Variants in SRC observed in about 807,000 individuals in gnomAD.
SRC encodes proto-oncogene tyrosine-protein kinase Src.
A neutral mutation model predicts 62.9 loss-of-function variants in SRC; 13 were observed. That is an observed-to-expected ratio of 0.21 (90% CI 0.13 to 0.33). The LOEUF is 0.33. Among genes scored for constraint, SRC ranks in the 10% least tolerant of loss-of-function variants. SRC has a pLI of 1.00. For missense variants in SRC, 457 were observed against 737.3 expected (o/e 0.62, Z 4.40); for synonymous variants, 302 against 317.5 (o/e 0.95, Z 0.52).
rs2070652156 is a variant in SRC, at chr20:37,396,429, T to TCCCCCTC, written c.703+128_703+134dup. The TCCCCCTC allele has an allele frequency of 8.6e-7, 1 of 1,163,052 alleles. No individual in the cohort carries two copies. The highest frequency in any genetic ancestry group is 1.6e-5 in the African/African-American group (1 of 64,110). The allele number at this position is 1,163,052 out of a possible 1,614,324, so 72.0% of individuals were successfully genotyped here. On this transcript the variant is annotated intron_variant, in intron 8 of 13. Transcript: ENST00000373578. The surrounding 1 kb of genome is among the most constrained non-coding windows in gnomAD (Gnocchi z 6.1). Reference sequence around the variant, plus strand: ...CTGTTATCCTGCTTCTCTCCCCACTTCCCCCTCCCCCCTCCCTTCCTCTCT... The same window carrying TCCCCCTC: ...CTGTTATCCTGCTTCTCTCCCCACTTCCCCCTCCCCCCTCCCCCCTCCCTTCCTCTCT...
chr20:37,391,832 T>C (rs1167578227), intron 5 of SRC, among the ~76,000 whole-genome samples: 1 of 152,220 alleles, frequency 6.6e-6, no homozygotes, highest in East Asian at 1.9e-4. Flanking sequence ...CCAGCCTGGG[T>C]GATAGAGCAA....
chr20:37,396,423 C>A lies in SRC; in HGVS notation c.703+112C>A. ...GGACTTCTGTTATCCTGCTTCTCTC[C>A]CCACTTCCCCCTCCCCCCTCCCTTC... On this transcript the variant is annotated intron_variant, in intron 8 of 13. Coordinates refer to ENST00000373578, the MANE Select transcript of SRC (RefSeq NM_198291.3). The surrounding 1 kb of genome is among the most constrained non-coding windows in gnomAD (Gnocchi z 6.1). The A allele has an allele frequency of 1.6e-6, 2 of 1,224,644 alleles. No homozygotes were observed. The highest frequency in any genetic ancestry group is 2.5e-5 in the East Asian group (1 of 40,760). The allele number at this position is 1,224,644 out of a possible 1,614,324, so 75.9% of individuals were successfully genotyped here. A position where few individuals can be genotyped will look rare whatever the true frequency, so the allele number is the denominator to read the frequency against.
rs188251365 is a variant in SRC at position 37,390,665 on chromosome 20, G to A, written c.351-3230G>A. ...AGAGATCCATCCACCTTGGCCTCCC[G>A]AAGTGTTGGGATCACAGGCGTGAGC... On this transcript the variant is annotated intron_variant, in intron 5 of 13. Coordinates refer to ENST00000373578, the MANE Select transcript of SRC (RefSeq NM_198291.3). Among the ~76,000 whole-genome samples the A allele has an allele frequency of 2.8e-4, 43 of 152,154 alleles. 1 individual carries two copies. The highest frequency in any genetic ancestry group is 2.5e-3 in the Admixed American group (38 of 15,272).
chr20:37,364,301 C>T (rs563876523), intron 1 of SRC, among the ~76,000 whole-genome samples: 22 of 152,298 alleles, frequency 1.4e-4, no homozygotes, highest in Admixed American at 5.9e-4. Context: ...CCTCTCTGTG[C>T]TTCAGTTTCC....
intron 2 of SRC, among the ~76,000 whole-genome samples, chr20:37,370,892 T>G (rs2070152592): frequency 6.6e-6 from 1 of 152,204 alleles, no homozygotes; most frequent in Non-Finnish European, 1.5e-5. Context: ...GGGCCTGGGC[T>G]GCTTCTGTGA....
intron 1 of SRC, among the ~76,000 whole-genome samples, chr20:37,359,402 G>A (rs890450895): frequency 3.3e-5 from 5 of 152,244 alleles, no homozygotes; most frequent in East Asian, 3.8e-4. Context: ...GTAAGAAGGC[G>A]GTAAGGGCCA....
intron 2 of SRC, among the ~76,000 whole-genome samples, chr20:37,373,071 C>A (rs932509062): frequency 6.6e-6 from 1 of 150,492 alleles, no homozygotes; most frequent in Non-Finnish European, 1.5e-5. Context: ...CACACATATA[C>A]ACACATATAT....
Position 37,386,058 on chromosome 20 carries a change from C to T in SRC, c.251-17C>T. On this transcript the variant is annotated splice_polypyrimidine_tract_variant and intron_variant, in intron 4 of 13. Transcript: ENST00000373578. ...CTGTGGCCCCACTGTTCTGACACAC[C>T]CCACCCCTCTCTGCAGGTGGAGTGA... 1 of 1,598,148 alleles carries T rather than the reference C, an allele frequency of 6.3e-7. No individual in the cohort carries two copies.
At chr20:37,354,629 C>A (rs1043953579) in intron 1 of SRC, among the ~76,000 whole-genome samples, 2 of 152,200 alleles carry the variant, frequency 1.3e-5, no homozygotes, top group African/African-American at 4.8e-5. Flanking sequence ...GCTTCTTATT[C>A]TGCCTGGGAG....
At chr20:37,373,153 CACAT>C (rs553948154) in intron 2 of SRC, among the ~76,000 whole-genome samples, 206 of 121,772 alleles carry the variant, frequency 1.7e-3, no homozygotes, top group Non-Finnish European at 2.3e-3. Flanking sequence ...TACATATACA[CACAT>C]ACACACATAT....
At chr20:37,379,882 T>G (rs1600990734) in intron 2 of SRC, among the ~76,000 whole-genome samples, 8 of 102,000 alleles carry the variant, frequency 7.8e-5, no homozygotes, top group Admixed American at 2.9e-4. Flanking sequence ...GGCAATAGAG[T>G]GAGACTCCAT....
At position 37,406,013 on chromosome 20, in the gene SRC, C is replaced by T. The variant is rs192628676; in HGVS notation, c.*2634C>T. On this transcript the variant is annotated 3_prime_UTR_variant, in exon 14 of 14. Coordinates refer to ENST00000373578, the MANE Select transcript of SRC (RefSeq NM_198291.3). ...TGTGCACCGGAGTCAACTCTGGCCA[C>T]GACATTGCTTAATTAAAAACAAATT... 527 of 152,386 alleles carry T rather than the reference C, an allele frequency of 3.5e-3. No homozygotes were observed. The highest frequency in any genetic ancestry group is 5.2e-3 in the Non-Finnish European group (352 of 68,046). 9.4% of individuals were successfully genotyped at this position (152,386 alleles called of 1,614,324 possible). A position where few individuals can be genotyped will look rare whatever the true frequency, so the allele number is the denominator to read the frequency against.
At chr20:37,363,689 C>T (rs1299163913) in intron 1 of SRC, among the ~76,000 whole-genome samples, 1 of 152,192 alleles carries the variant, frequency 6.6e-6, no homozygotes, top group Non-Finnish European at 1.5e-5. Flanking sequence ...CCCCATTCCA[C>T]CCCCGCCTGG....
At chr20:37,391,255 G>A (rs1476623123) in intron 5 of SRC, among the ~76,000 whole-genome samples, 1 of 152,204 alleles carries the variant, frequency 6.6e-6, no homozygotes, top group Non-Finnish European at 1.5e-5. Flanking sequence ...ACCCCGCCCT[G>A]CAGCCTCCTC....
At chr20:37,393,850 T>C in intron 5 of SRC, 45 bp from the exon 6 acceptor site, 2 of 1,485,230 alleles carry the variant, frequency 1.3e-6, no homozygotes, top group African/African-American at 2.8e-5. Context: ...GGCTTGTGGC[T>C]GACGGCTCCC....
At chr20:37,367,195 C>T (rs550958986) in intron 2 of SRC, among the ~76,000 whole-genome samples, 29 of 151,182 alleles carry the variant, frequency 1.9e-4, no homozygotes, top group Non-Finnish European at 3.8e-4. Context: ...ATCTCAGCCT[C>T]CCAAGCAGCT....
chr20:37,373,144 A>G (rs887996073), intron 2 of SRC, among the ~76,000 whole-genome samples: 6 of 134,040 alleles, frequency 4.5e-5, no homozygotes, highest in Non-Finnish European at 9.2e-5. Context: ...ACACATATGT[A>G]CATATACACA....
In SRC at chr20:37,398,150, G is replaced by A. The variant is rs886213744; in HGVS notation, c.859+296G>A. 6.6e-6 allele frequency among the ~76,000 whole-genome samples: 1 copy of A among 152,180 alleles called. No individual in the cohort carries two copies. Among genetic ancestry groups the A allele is most frequent in the African/African-American group, 2.4e-5 (1 of 41,442 alleles). ...CCTCACTCAGAGCCTCAGTCTTCCC[G>A]ACTGTGAATGGGGCTGGTGACAGTG... On this transcript the variant is annotated intron_variant, in intron 9 of 13. Transcript: ENST00000373578. This position sits in a 1 kb window ranked among gnomAD's most constrained non-coding sequence, Gnocchi z 5.2.
Position 37,384,326 on chromosome 20 carries a change from C to T in SRC, c.173C>T (p.Ala58Val). Reference sequence around the variant, plus strand: ...CCCAGCGCGGCCTTCGCCCCCGCGGCCGCCGAGCCCAAGCTGTTCGGAGGC... The same window carrying T: ...CCCAGCGCGGCCTTCGCCCCCGCGGTCGCCGAGCCCAAGCTGTTCGGAGGC... ...RGPSAAFAPA[A>V]AEPKLFGGFN... is the part of the protein sequence containing the mutation. The change falls in exon 4 of 14, where the codon GCC becomes GTC. Residue 58 changes from alanine to valine, a missense_variant. Ala to Val is a moderately conservative substitution (Grantham distance 64). This residue lies in a region of SRC where 132 missense variants were observed against 135.4 expected (regional missense o/e 0.98). Coordinates refer to ENST00000373578, the MANE Select transcript of SRC (RefSeq NM_198291.3). This position sits in a 1 kb window ranked among gnomAD's most constrained non-coding sequence, Gnocchi z 6.7. 3.4e-6 allele frequency: 5 copies of T among 1,465,642 alleles called. No homozygotes were observed. The highest frequency in any genetic ancestry group is 4.5e-6 in the Non-Finnish European group (5 of 1,114,010). 90.8% of individuals were successfully genotyped at this position (1,465,642 alleles called of 1,614,324 possible). A position where few individuals can be genotyped will look rare whatever the true frequency, so the allele number is the denominator to read the frequency against.
Sources: gnomAD v4.1 joint callset for allele counts (sites outside exome capture counted in the v4.1 genomes callset) on GRCh38, gnomAD v4.1.1 for gene constraint, gnomAD v4.1.1 regional missense constraint, Gnocchi (gnomAD v3.1) non-coding constraint, MANE v1.5 for transcripts, NCBI Gene and HGNC (gene_info 2026-07-23, HGNC 2026-07-21) for gene names.